The following PLEKHA5 variants were observed in gnomAD, a reference collection of about 807,000 sequenced individuals.
PLEKHA5 encodes pleckstrin homology domain containing A5.
Under a neutral mutation model 181.9 loss-of-function variants are expected in PLEKHA5, and 55 were observed. The ratio of observed to expected loss-of-function variants is 0.30; its 90% confidence interval spans 0.24 to 0.38. The LOEUF (loss-of-function observed/expected upper bound fraction) is 0.38. Among genes scored for constraint, PLEKHA5 ranks in the 10% least tolerant of loss-of-function variants. The pLI, the probability that PLEKHA5 is intolerant of heterozygous loss-of-function variation, is 1.00. For synonymous variants in PLEKHA5, 535 were observed against 529.4 expected (o/e 1.01, Z -0.15); for missense variants, 1,432 against 1,549.5 (o/e 0.92, Z 1.27).
At chr12:19,342,230 G>T (rs977880509) in intron 21 of PLEKHA5, among the ~76,000 whole-genome samples, 1 of 152,100 alleles carries the variant, frequency 6.6e-6, no homozygotes, top group African/African-American at 2.4e-5. Flanking sequence ...GTATTATCCA[G>T]AATGGTGTTA....
At chr12:19,366,288 G>A (rs927982337) in intron 30 of PLEKHA5, among the ~76,000 whole-genome samples, 179 bp downstream of exon 30, 7 of 152,066 alleles carry the variant, frequency 4.6e-5, no homozygotes, top group African/African-American at 1.4e-4. Context: ...GTCTACCCTG[G>A]CAGAGGGATC....
chr12:19,234,504 C>T (rs1048396370), intron 3 of PLEKHA5, among the ~76,000 whole-genome samples: 5 of 152,144 alleles, frequency 3.3e-5, no homozygotes, highest in Non-Finnish European at 7.3e-5. Flanking sequence ...AAGCCAAACA[C>T]TTGGTTGACT....
At chr12:19,158,421 T>C (rs529928416) in intron 3 of PLEKHA5, among the ~76,000 whole-genome samples, 1 of 152,310 alleles carries the variant, frequency 6.6e-6, no homozygotes, top group Non-Finnish European at 1.5e-5. Flanking sequence ...AAGCGTCCTG[T>C]GTAAAGGTGG....
At position 19,322,683 on chromosome 12, in the gene PLEKHA5, T is replaced by G; in HGVS notation, c.2448+16T>G. ...AGCCACTGCCGTAAGTAGATTTTTTTTTTCCCCTAATAAAAGTAGCTTAAA... is the reference window on the plus strand; with the variant it reads ...AGCCACTGCCGTAAGTAGATTTTTTGTTTCCCCTAATAAAAGTAGCTTAAA... On this transcript the variant is annotated intron_variant, in intron 20 of 31. Transcript: ENST00000429027. The G allele has an allele frequency of 3.1e-6, 5 of 1,590,046 alleles. No individual in the cohort carries two copies. The highest frequency in any genetic ancestry group is 3.4e-6 in the Non-Finnish European group (4 of 1,167,206).
At chr12:19,165,998 G>T (rs1296435331) in intron 3 of PLEKHA5, among the ~76,000 whole-genome samples, 2 of 152,098 alleles carry the variant, frequency 1.3e-5, no homozygotes, top group Admixed American at 1.3e-4. Flanking sequence ...TGGTTTTATT[G>T]TACTTCATTT....
At chr12:19,178,058 C>G (rs934124799) in intron 3 of PLEKHA5, among the ~76,000 whole-genome samples, 1 of 152,154 alleles carries the variant, frequency 6.6e-6, no homozygotes, top group Admixed American at 6.5e-5. Context: ...ACAACTTCCA[C>G]GGCTCCTGGT....
intron 3 of PLEKHA5, among the ~76,000 whole-genome samples, chr12:19,155,536 A>T (rs2041483344): frequency 6.6e-6 from 1 of 152,202 alleles, no homozygotes; most frequent in Non-Finnish European, 1.5e-5. Flanking sequence ...CATCGGTATT[A>T]GGGCTTTAAA....
intron 3 of PLEKHA5, among the ~76,000 whole-genome samples, chr12:19,172,205 A>G (rs750120902): frequency 2.0e-5 from 3 of 152,236 alleles, no homozygotes; most frequent in South Asian, 2.1e-4. Flanking sequence ...GTTTGTTTAC[A>G]TCAGCATCAC....
intron 31 of PLEKHA5, among the ~76,000 whole-genome samples, chr12:19,373,847 CTG>C (rs1339029355): frequency 2.0e-5 from 3 of 152,142 alleles, no homozygotes; most frequent in Non-Finnish European, 4.4e-5. Context: ...CAGATTATGA[CTG>C]TACACATATC....
At chr12:19,197,259 C>T (rs2417772) in intron 3 of PLEKHA5, among the ~76,000 whole-genome samples, 84,020 of 151,974 alleles carry the variant, frequency 0.55, 27,321 homozygotes, top group Non-Finnish European at 0.74. Context: ...TTTCTCACTG[C>T]TGCAATCCTG....
chr12:19,261,305 T>C (rs2068411769), intron 7 of PLEKHA5, among the ~76,000 whole-genome samples: 1 of 152,156 alleles, frequency 6.6e-6, no homozygotes, highest in Non-Finnish European at 1.5e-5. Context: ...ATACAATCCT[T>C]AGTTTGAGGA....
At chr12:19,154,910 T>C (rs185061053) in intron 3 of PLEKHA5, among the ~76,000 whole-genome samples, 29 of 152,320 alleles carry the variant, frequency 1.9e-4, no homozygotes, top group African/African-American at 6.5e-4. Flanking sequence ...CTAATGATGT[T>C]AAGTTAAAGC....
intron 31 of PLEKHA5, among the ~76,000 whole-genome samples, chr12:19,370,336 C>T (rs1294518844): frequency 6.6e-6 from 1 of 152,122 alleles, no homozygotes; most frequent in Non-Finnish European, 1.5e-5. Context: ...TTACTAAAAC[C>T]ATGGATGGTA....
chr12:19,306,045 A>G (rs2083391929), intron 15 of PLEKHA5, among the ~76,000 whole-genome samples: 1 of 151,690 alleles, frequency 6.6e-6, no homozygotes, highest in Non-Finnish European at 1.5e-5. Context: ...GCCCCATTGT[A>G]CTCCAGCCCA....
intron 24 of PLEKHA5, among the ~76,000 whole-genome samples, chr12:19,347,759 T>A (rs1341546881): frequency 6.6e-6 from 1 of 152,184 alleles, no homozygotes; most frequent in Non-Finnish European, 1.5e-5. Context: ...ATTTTAGTGC[T>A]GGGATGGGCC....
At chr12:19,310,529 G>A (rs1187318723) in intron 15 of PLEKHA5, among the ~76,000 whole-genome samples, 2 of 149,230 alleles carry the variant, frequency 1.3e-5, no homozygotes, top group South Asian at 2.1e-4. Context: ...AAAATTGCTT[G>A]AACTCGGGAG....
rs886944855 is a variant in PLEKHA5 at position 19,374,583 on chromosome 12, C to T, written c.*12-948C>T. 5.3e-5 allele frequency among the ~76,000 whole-genome samples: 8 copies of T among 151,880 alleles called. 1 individual carries two copies. The highest frequency in any genetic ancestry group is 9.7e-5 in the African/African-American group (4 of 41,406). Reference sequence around the variant, plus strand: ...CTGAGGCAGGAAAATCACTTGAACCCGGGAGGTGGAGGTTGCAGTGAGCCA... The same window carrying T: ...CTGAGGCAGGAAAATCACTTGAACCTGGGAGGTGGAGGTTGCAGTGAGCCA... On this transcript the variant is annotated intron_variant, in intron 31 of 31. Coordinates refer to ENST00000429027, the MANE Select transcript of PLEKHA5 (RefSeq NM_001256470.2).
intron 3 of PLEKHA5, among the ~76,000 whole-genome samples, chr12:19,208,697 T>TAA (rs796124051): frequency 5.9e-5 from 9 of 152,304 alleles, no homozygotes; most frequent in African/African-American, 2.2e-4. Flanking sequence ...TTGTTTATTC[T>TAA]AAAAAGAGAG....
rs533885754 is a variant in PLEKHA5, at chr12:19,370,484, G to A, written c.*11+686G>A. On this transcript the variant is annotated intron_variant, in intron 31 of 31. Transcript: ENST00000429027. Reference sequence around the variant, plus strand: ...TAACCTAGAATTTAGTACTTATAGCGTACTCTAAAAGTTTTTTAACTTTTT... The same window carrying A: ...TAACCTAGAATTTAGTACTTATAGCATACTCTAAAAGTTTTTTAACTTTTT... Among the ~76,000 whole-genome samples, 8 of 152,028 alleles carry A rather than the reference G, an allele frequency of 5.3e-5. No homozygotes were observed. The South Asian group carries it at 6.2e-4, about 12-fold the overall frequency.
Sources: gnomAD v4.1 joint callset for allele counts (sites outside exome capture counted in the v4.1 genomes callset) on GRCh38, gnomAD v4.1.1 for gene constraint, MANE v1.5 for transcripts, NCBI Gene and HGNC (gene_info 2026-07-23, HGNC 2026-07-21) for gene names.